Variants in EEA1 observed in about 807,000 individuals in gnomAD.
EEA1 encodes early endosome antigen 1, also known as early endosome antigen 1, 162kD.
Under a neutral mutation model 209.2 loss-of-function variants are expected in EEA1, and 111 were observed. That is an observed-to-expected ratio of 0.53 (90% CI 0.45 to 0.62). EEA1 has a LOEUF of 0.62. Among genes scored for constraint, EEA1 ranks in the 20% least tolerant of loss-of-function variants. The pLI is 0.00. For synonymous variants in EEA1, 536 were observed against 540.6 expected (o/e 0.99, Z 0.12); for missense variants, 1,343 against 1,530.8 (o/e 0.88, Z 2.05).
chr12:92,785,062 T>C (rs1235265507), intron 22 of EEA1, among the ~76,000 whole-genome samples: 2 of 145,208 alleles, frequency 1.4e-5, no homozygotes, highest in East Asian at 3.9e-4. Flanking sequence ...TTTTAGTTGT[T>C]TTTTCTTGAT....
chr12:92,879,938 C>A (rs1365645389), intron 2 of EEA1, among the ~76,000 whole-genome samples: 1 of 152,200 alleles, frequency 6.6e-6, no homozygotes, highest in Non-Finnish European at 1.5e-5. Context: ...CCCCTGCCAG[C>A]CCACAGACTT....
intron 2 of EEA1, among the ~76,000 whole-genome samples, chr12:92,886,149 A>C (rs1481609738): frequency 6.6e-6 from 1 of 151,450 alleles, no homozygotes; most frequent in Non-Finnish European, 1.5e-5. Context: ...AAGCTTGAAA[A>C]TTAAAGCAAA....
Position 92,819,305 on chromosome 12 carries a change from T to C in EEA1, c.1728+3A>G, listed in dbSNP as rs758247041. ...ACAAATATAATATATTTTACAAGCT[T>C]ACTTGCTCCTGTAGTGTATGGTTTT... On this transcript the variant is annotated splice_donor_region_variant and intron_variant, in intron 14 of 28. Transcript: ENST00000322349. 1 of 1,583,800 alleles carries C rather than the reference T, an allele frequency of 6.3e-7. No homozygotes were observed. The highest frequency in any genetic ancestry group is 1.2e-5 in the South Asian group (1 of 83,476).
rs767936162 is a variant in EEA1 at position 92,832,572 on chromosome 12, T to C, written c.1194A>G (p.Leu398=). The C allele has an allele frequency of 6.8e-6, 11 of 1,614,106 alleles. No individual in the cohort carries two copies. The highest frequency in any genetic ancestry group is 9.3e-6 in the Non-Finnish European group (11 of 1,180,000). ...GCTCCTTTTCTTCTCTCTGTTGTTG[T>C]AGCTGCTTAAACTCCGCCTTTAGAT... The part of the protein sequence containing the change: ...YQHLKAEFKQ[L]QQQREEKEQH... The change falls in exon 11 of 29, where the codon CTA becomes CTG. Residue 398 remains leucine, a synonymous_variant. Coordinates refer to ENST00000322349, the MANE Select transcript of EEA1 (RefSeq NM_003566.4).
chr12:92,878,944 A>G (rs945026543), intron 2 of EEA1, among the ~76,000 whole-genome samples: 4 of 152,206 alleles, frequency 2.6e-5, no homozygotes, highest in Non-Finnish European at 5.9e-5. Context: ...TACACTTCCC[A>G]AAAAGAAAGC....
intron 2 of EEA1, among the ~76,000 whole-genome samples, chr12:92,870,469 G>A (rs574021421): frequency 1.3e-5 from 2 of 152,218 alleles, no homozygotes; most frequent in African/African-American, 4.8e-5. Context: ...GTTACGTGCA[G>A]CCTCAGATAC....
intron 18 of EEA1, among the ~76,000 whole-genome samples, chr12:92,803,010 C>T (rs1875003282): frequency 6.6e-6 from 1 of 151,992 alleles, no homozygotes; most frequent in African/African-American, 2.4e-5. Context: ...TTTTTGTCCG[C>T]CACAACTAAT....
chr12:92,925,492 G>C (rs978818324), intron 1 of EEA1, among the ~76,000 whole-genome samples: 2 of 152,206 alleles, frequency 1.3e-5, no homozygotes, highest in Non-Finnish European at 2.9e-5. Context: ...TGGAATTACA[G>C]GCATGAGCCA....
At position 92,882,360 on chromosome 12, in the gene EEA1, G is replaced by A. The variant is rs1460893715; in HGVS notation, c.117+9269C>T. Among the ~76,000 whole-genome samples the A allele has an allele frequency of 4.6e-5, 7 of 151,694 alleles. No individual in the cohort carries two copies. In the South Asian group the frequency reaches 1.0e-3, roughly 22 times the overall value. On this transcript the variant is annotated intron_variant, in intron 2 of 28. Coordinates refer to ENST00000322349, the MANE Select transcript of EEA1 (RefSeq NM_003566.4). The stretch of plus-strand genomic sequence containing the variant: ...TGACCTCAGGTGATCTGCCCGCCTC[G>A]GCCTCCCAAAGTGCAGGATTACAGG...
chr12:92,858,782 C>A, intron 3 of EEA1: 2 of 781,502 alleles, frequency 2.6e-6, no homozygotes, highest in Non-Finnish European at 4.6e-6. Context: ...ATTGTGCCTG[C>A]AAAATACCTT....
At position 92,801,641 on chromosome 12, in the gene EEA1, C is replaced by A; in HGVS notation, c.2731G>T (p.Glu911Ter). 6.3e-7 allele frequency: 1 copy of A among 1,597,000 alleles called. No individual in the cohort carries two copies. Among genetic ancestry groups the A allele is most frequent in the South Asian group, 1.2e-5 (1 of 86,730 alleles). ...AGTGACTTTTTCAGTTCCTTCTGTT[C>A]CTTAAGTGTGTTTTCCATCTGCACT... ...LQVQMENTLK[E>*]QKELKKSLEK... Residue 911 changes from glutamate to a stop codon, truncating the protein, a stop_gained, in exon 20 of 29, where the codon GAA becomes TAA. Transcript: ENST00000322349. LOFTEE classifies it high-confidence loss of function.
chr12:92,833,848 T>C, intron 10 of EEA1, among the ~76,000 whole-genome samples: 1 of 152,104 alleles, frequency 6.6e-6, no homozygotes, highest in East Asian at 1.9e-4. Context: ...TGAGTCAGAA[T>C]GGGTTAATAG....
At chr12:92,783,490 AC>A (rs1184201178) in intron 22 of EEA1, among the ~76,000 whole-genome samples, 1 of 152,228 alleles carries the variant, frequency 6.6e-6, no homozygotes, top group Non-Finnish European at 1.5e-5. Flanking sequence ...GATCAAGTGA[AC>A]AAAAAGAGAA....
intron 1 of EEA1, among the ~76,000 whole-genome samples, chr12:92,907,869 T>C (rs1253548112): frequency 1.3e-5 from 2 of 152,162 alleles, no homozygotes; most frequent in Non-Finnish European, 2.9e-5. Flanking sequence ...CTTGGGAGGC[T>C]GAGGCAGGAG....
intron 2 of EEA1, among the ~76,000 whole-genome samples, chr12:92,886,632 AGGGGG>A (rs1879416282): frequency 1.4e-5 from 1 of 69,382 alleles, no homozygotes; most frequent in Non-Finnish European, 2.6e-5. Flanking sequence ...AGAGGAGGGG[AGGGGG>A]AAGGGGGAAG....
intron 13 of EEA1, among the ~76,000 whole-genome samples, chr12:92,822,924 A>T (rs1002696109): frequency 6.6e-6 from 1 of 151,880 alleles, no homozygotes; most frequent in Non-Finnish European, 1.5e-5. Context: ...AGCTGATGAC[A>T]CCTCCACTTA....
intron 3 of EEA1, among the ~76,000 whole-genome samples, chr12:92,860,270 T>G (rs562179802): frequency 6.6e-6 from 1 of 152,324 alleles, no homozygotes; most frequent in Admixed American, 6.5e-5. Context: ...TAACGTTTTT[T>G]TTTCTTTATA....
intron 2 of EEA1, among the ~76,000 whole-genome samples, chr12:92,887,590 G>A (rs546390819): frequency 6.6e-6 from 1 of 152,124 alleles, no homozygotes; most frequent in African/African-American, 2.4e-5. Flanking sequence ...CCAGGAGTTT[G>A]AGGTGCAGTG....
chr12:92,889,741 A>G (rs556482494), intron 2 of EEA1, among the ~76,000 whole-genome samples: 4 of 152,154 alleles, frequency 2.6e-5, no homozygotes, highest in African/African-American at 9.6e-5. Flanking sequence ...TCTACTAAAA[A>G]CAAAACAAAA....
Sources: allele counts gnomAD v4.1 joint callset (sites outside exome capture counted in the v4.1 genomes callset), GRCh38; gene constraint gnomAD v4.1.1; transcripts MANE v1.5; gene names NCBI Gene and HGNC (gene_info 2026-07-23, HGNC 2026-07-21).